The following LYZL6 variants were observed in gnomAD, a reference collection of about 807,000 sequenced individuals.
LYZL6 encodes the protein lysozyme-like protein 6.
Under a neutral mutation model 15.0 loss-of-function variants are expected in LYZL6, and 21 were observed. The ratio of observed to expected loss-of-function variants is 1.40; its 90% CI spans 1.00 to 2.02. The LOEUF (loss-of-function observed/expected upper bound fraction) is 2.02, where lower values mean the gene tolerates loss of function less well. Among genes scored for constraint, LYZL6 ranks in the 30% most tolerant of loss-of-function variants. The pLI is 0.00. For missense variants in LYZL6, 173 were observed against 180.5 expected, an observed-to-expected ratio of 0.96 and a Z score of 0.24; for synonymous variants, 72 against 67.8, an observed-to-expected ratio of 1.06 and a Z score of -0.31.
chr17:35,936,728 C>G (rs779590942), intron 4 of LYZL6, 27 bp downstream of exon 4: 1 of 1,602,792 alleles, frequency 6.2e-7, no homozygotes, highest in Admixed American at 1.7e-5. Flanking sequence ...GGGCTCTGCC[C>G]GCTGAGTCCC....
chr17:35,937,214 G>A (rs545522129), intron 3 of LYZL6, among the ~76,000 whole-genome samples: 5 of 152,224 alleles, frequency 3.3e-5, no homozygotes, highest in Non-Finnish European at 5.9e-5. Flanking sequence ...GTCAGTGTGC[G>A]AAGGCAGAGG....
At chr17:35,939,845 G>C (rs1040825861) in intron 1 of LYZL6, among the ~76,000 whole-genome samples, 2 of 152,124 alleles carry the variant, frequency 1.3e-5, no homozygotes, top group Non-Finnish European at 2.9e-5. Context: ...CCAGCTATGG[G>C]TAGTATTTGG....
rs1250456806 is a variant in LYZL6 at position 35,936,884 on chromosome 17, G to T, written c.299-51C>A. The T allele has an allele frequency of 2.6e-6, 4 of 1,517,514 alleles. No homozygotes were observed. In the African/African-American group the frequency reaches 5.5e-5, roughly 21 times the overall value. 94.0% of individuals were successfully genotyped at this position (1,517,514 alleles called of 1,614,324 possible). A position where few individuals can be genotyped will look rare whatever the true frequency, so the allele number is the denominator to read the frequency against. ...TGAGGGCACAGAAGACAGCCCCAAA[G>T]ATGGAGGCAGACACCAGCCCTCCCT... On this transcript the variant is annotated intron_variant, in intron 3 of 4. Transcript: ENST00000615905.
chr17:35,935,213 C>G (rs543106903), intron 4 of LYZL6, among the ~76,000 whole-genome samples: 1 of 151,670 alleles, frequency 6.6e-6, no homozygotes, highest in East Asian at 1.9e-4. Flanking sequence ...GCATAATCAT[C>G]GCTGTCAATT....
chr17:35,936,649 T>C lies in LYZL6; in HGVS notation c.377+106A>G, dbSNP rs2089375497. The C allele has an allele frequency of 5.7e-6, 5 of 871,606 alleles. No homozygotes were observed. In the Admixed American group the frequency reaches 9.4e-5, roughly 16 times the overall value. The allele number at this position is 871,606 out of a possible 1,614,324, so 54.0% of individuals were successfully genotyped here. On this transcript the variant is annotated intron_variant, in intron 4 of 4. Coordinates refer to ENST00000615905, the MANE Select transcript of LYZL6 (RefSeq NM_020426.4). The stretch of plus-strand genomic sequence containing the variant: ...GCCCGTCCGCTATCCCACATCTTTC[T>C]AGACACTGCAAGGGCGTGCCCGTGA...
At chr17:35,934,914 C>A in intron 4 of LYZL6, 49 bp from the exon 5 acceptor site, 1 of 1,574,576 alleles carries the variant, frequency 6.4e-7, no homozygotes, top group Non-Finnish European at 8.7e-7. Flanking sequence ...GTAACTCTTC[C>A]ACACACATGA....
rs1568418167 is a variant in LYZL6, at chr17:35,934,840, C to T, written c.403G>A (p.Gly135Ser). 1 of 1,614,176 alleles carries T rather than the reference C, an allele frequency of 6.2e-7. No individual in the cohort carries two copies. The highest frequency in any genetic ancestry group is 1.7e-5 in the Admixed American group (1 of 60,028). Residue 135 changes from glycine to serine, a missense_variant, in exon 5 of 5, where the codon GGC becomes AGC. Coordinates refer to ENST00000615905, the MANE Select transcript of LYZL6 (RefSeq NM_020426.4). ...GTCAGCCAGTAGAAGAGTGGCCGGCCTGAACAGTGCAACCTCCATTCTACC... is the reference window on the plus strand; with the variant it reads ...GTCAGCCAGTAGAAGAGTGGCCGGCTTGAACAGTGCAACCTCCATTCTACC... ...NWVEWRLHCS[G>S]RPLFYWLTGC...
Position 35,940,069 on chromosome 17 carries a change from C to T in LYZL6, c.-202-511G>A, listed in dbSNP as rs754968568. On this transcript the variant is annotated intron_variant, in intron 1 of 4. Transcript: ENST00000615905. Reference sequence around the variant, plus strand: ...CAATTCTTGGTGGGCTGGCTGTAGACGTAACCTTCACTTTCACATTGTGTA... The same window carrying T: ...CAATTCTTGGTGGGCTGGCTGTAGATGTAACCTTCACTTTCACATTGTGTA... Among the ~76,000 whole-genome samples the T allele has an allele frequency of 1.1e-4, 16 of 152,250 alleles. No homozygotes were observed. The Middle Eastern group carries it at 0.01, about 97-fold the overall frequency.
At chr17:35,938,019 G>T in intron 2 of LYZL6, 103 bp from the exon 3 acceptor site, 2 of 1,162,346 alleles carry the variant, frequency 1.7e-6, no homozygotes, top group South Asian at 1.4e-5. Flanking sequence ...AAGGAACAAG[G>T]CCTGGGAGGC....
At position 35,934,583 on chromosome 17, in the gene LYZL6, A is replaced by G; in HGVS notation, c.*213T>C. 1 of 557,470 alleles carries G rather than the reference A, an allele frequency of 1.8e-6. No individual in the cohort carries two copies. Among genetic ancestry groups the G allele is most frequent in the Non-Finnish European group, 3.2e-6 (1 of 314,418 alleles). 34.5% of individuals were successfully genotyped at this position (557,470 alleles called of 1,614,324 possible). On this transcript the variant is annotated 3_prime_UTR_variant, in exon 5 of 5. Coordinates refer to ENST00000615905, the MANE Select transcript of LYZL6 (RefSeq NM_020426.4). Reference sequence around the variant, plus strand: ...ATTTCTTTATTGTGGTCCTCAGTTTACAAATAACAGACAGGAACCAGGGGA... The same window carrying G: ...ATTTCTTTATTGTGGTCCTCAGTTTGCAAATAACAGACAGGAACCAGGGGA...
intron 3 of LYZL6, among the ~76,000 whole-genome samples, chr17:35,937,412 T>A (rs563091862): frequency 1.3e-5 from 2 of 152,342 alleles, no homozygotes; most frequent in East Asian, 3.9e-4. Flanking sequence ...TTTTGTAAAG[T>A]AGGGATCATA....
intron 2 of LYZL6, 26 bp from the exon 3 acceptor site, chr17:35,937,942 G>A (rs1358685091): frequency 6.2e-7 from 1 of 1,607,886 alleles, no homozygotes; most frequent in African/African-American, 1.3e-5. Context: ...AGAAGGTCAG[G>A]ATTTAGAGGG....
At chr17:35,936,658 C>T in intron 4 of LYZL6, 97 bp downstream of exon 4, 2 of 983,574 alleles carry the variant, frequency 2.0e-6, no homozygotes, top group East Asian at 4.8e-5. Context: ...CTAGACACTG[C>T]AAGGGCGTGC....
At chr17:35,940,204 T>G (rs1386150947) in intron 1 of LYZL6, among the ~76,000 whole-genome samples, 1 of 152,204 alleles carries the variant, frequency 6.6e-6, no homozygotes, top group East Asian at 1.9e-4. Context: ...TCAACCTTTC[T>G]GGGCCTCATT....
At chr17:35,941,409 G>A (rs1391936418) in intron 1 of LYZL6, among the ~76,000 whole-genome samples, 1 of 151,986 alleles carries the variant, frequency 6.6e-6, no homozygotes, top group East Asian at 1.9e-4. Context: ...CAGATATATG[G>A]CAGATATTTT....
chr17:35,938,678 G>C (rs1217587432), intron 2 of LYZL6, among the ~76,000 whole-genome samples: 1 of 149,672 alleles, frequency 6.7e-6, no homozygotes, highest in Non-Finnish European at 1.5e-5. Flanking sequence ...CAAAAGTGTT[G>C]CAAGACAGGT....
At chr17:35,934,923 G>A (rs1033641863) in intron 4 of LYZL6, 58 bp from the exon 5 acceptor site, 11 of 1,546,780 alleles carry the variant, frequency 7.1e-6, no homozygotes, top group Admixed American at 1.7e-5. Flanking sequence ...CCACACACAT[G>A]ACCCAGTTCT....
chr17:35,937,916 C>A lies in LYZL6; in HGVS notation c.140G>T (p.Trp47Leu). Residue 47 changes from tryptophan (W) to leucine (L), a missense_variant and splice_region_variant, in exon 3 of 5, where the codon TGG becomes TTG. Physicochemically the swap from Trp to Leu is moderately conservative, Grantham distance 61 (BLOSUM62 -2). Coordinates refer to ENST00000615905, the MANE Select transcript of LYZL6 (RefSeq NM_020426.4). ...GCTTTCCACAAAAGCCAGGCACAGC[C>A]CTTAGAGTAGGGAGAAGAAGGTCAG... ...DGFEGYSLSD[W>L]LCLAFVESKF... 1 of 1,613,172 alleles carries A rather than the reference C, an allele frequency of 6.2e-7. No individual in the cohort carries two copies.
At chr17:35,936,972 T>C in intron 3 of LYZL6, 139 bp from the exon 4 acceptor site, 1 of 699,850 alleles carries the variant, frequency 1.4e-6, no homozygotes, top group Non-Finnish European at 2.5e-6. Context: ...AGGGGGCCCA[T>C]TTAGACATCC....
Sources: allele counts gnomAD v4.1 joint callset (sites outside exome capture counted in the v4.1 genomes callset), GRCh38; gene constraint gnomAD v4.1.1; transcripts MANE v1.5; gene names NCBI Gene and HGNC (gene_info 2026-07-23, HGNC 2026-07-21).